Variants in DMD observed in about 807,000 individuals in gnomAD.
The protein encoded by DMD is dystrophin.
In DMD, 63 loss-of-function variants were observed where a neutral mutation model predicts 330.1. That is an observed-to-expected ratio of 0.19 (90% confidence interval 0.16 to 0.24). The LOEUF is 0.24. Ranked by LOEUF, DMD falls within the 10% of genes least tolerant of loss-of-function variation. The probability of loss-of-function intolerance (pLI) is 1.00; values close to 1 mark genes in which losing one functional copy is unlikely to be tolerated. For missense variants in DMD, 3,344 were observed against 2,684.1 expected, an observed-to-expected ratio of 1.25 and a Z score of -5.43; for synonymous variants, 1,223 against 959.8, an observed-to-expected ratio of 1.27 and a Z score of -5.07.
At chrX:31,560,210 G>A (rs754616462) in intron 55 of DMD, among the ~76,000 whole-genome samples, 1 of 111,790 alleles carries the variant, frequency 8.9e-6, no homozygotes, top group South Asian at 3.8e-4. Flanking sequence ...TTCTTACAAT[G>A]CAGATTCTGA....
chrX:32,918,719 A>G (rs1289133207), intron 2 of DMD, among the ~76,000 whole-genome samples: 2 of 112,632 alleles, frequency 1.8e-5, no homozygotes, highest in Admixed American at 1.9e-4. Context: ...AATAATTTAC[A>G]TGAGAACTCT....
intron 16 of DMD, among the ~76,000 whole-genome samples, chrX:32,548,157 T>C (rs1320451784): frequency 1.8e-5 from 2 of 111,441 alleles, no homozygotes; most frequent in South Asian, 3.7e-4. Flanking sequence ...AATTCTAATG[T>C]TTATTGAATA....
At chrX:31,994,425 T>A (rs1373659234) in intron 44 of DMD, among the ~76,000 whole-genome samples, 1 of 111,977 alleles carries the variant, frequency 8.9e-6, no homozygotes, top group Non-Finnish European at 1.9e-5. Flanking sequence ...CCCCGCTAAA[T>A]ATTTTACTTC....
intron 7 of DMD, among the ~76,000 whole-genome samples, chrX:32,727,406 TA>T (rs1361609560): frequency 9.0e-6 from 1 of 111,095 alleles, no homozygotes; most frequent in African/African-American, 3.3e-5. Flanking sequence ...AGCAGAACTC[TA>T]AATTCTGATT....
chrX:33,145,022 A>G (rs1387540990), intron 1 of DMD, among the ~76,000 whole-genome samples: 2 of 112,161 alleles, frequency 1.8e-5, no homozygotes, highest in Non-Finnish European at 3.8e-5. Flanking sequence ...AGACCTGTAT[A>G]GAATAGCTAT....
At chrX:32,018,318 T>C (rs769237454) in intron 44 of DMD, among the ~76,000 whole-genome samples, 225 of 111,744 alleles carry the variant, frequency 2.0e-3, no homozygotes, top group African/African-American at 7.1e-3. Context: ...CACTGTAAAT[T>C]TGTATTAATC....
chrX:32,152,517 T>A (rs146511070), intron 44 of DMD, among the ~76,000 whole-genome samples: 2 of 111,150 alleles, frequency 1.8e-5, no homozygotes, highest in African/African-American at 6.5e-5. Flanking sequence ...TATATTTGTC[T>A]CTTCACTTAT....
At chrX:31,268,541 A>G (rs1227346354) in intron 62 of DMD, among the ~76,000 whole-genome samples, 1 of 111,386 alleles carries the variant, frequency 9.0e-6, no homozygotes, top group Non-Finnish European at 1.9e-5. Flanking sequence ...TTACGGTCTG[A>G]GGGGGGCACA....
intron 1 of DMD, among the ~76,000 whole-genome samples, chrX:33,322,511 T>C (rs1395327851): frequency 9.0e-6 from 1 of 111,654 alleles, no homozygotes. Context: ...CAAAGATCAT[T>C]GATCATAGAT....
At chrX:31,150,160 TGTTA>T (rs1423245090) in intron 74 of DMD, among the ~76,000 whole-genome samples, 2 of 111,879 alleles carry the variant, frequency 1.8e-5, no homozygotes, top group African/African-American at 6.5e-5. Flanking sequence ...ATTATGGATT[TGTTA>T]GTTTCTCCTT....
chrX:32,676,225 T>G (rs1185133599), intron 9 of DMD, among the ~76,000 whole-genome samples: 15 of 111,243 alleles, frequency 1.3e-4, no homozygotes, highest in African/African-American at 4.9e-4. Flanking sequence ...CATAACACAT[T>G]CTTCAGTTGA....
At chrX:33,172,942 T>G (rs950082260) in intron 1 of DMD, among the ~76,000 whole-genome samples, 1 of 111,372 alleles carries the variant, frequency 9.0e-6, no homozygotes, top group African/African-American at 3.3e-5. Context: ...TATAAAAATT[T>G]AATTTACTTA....
chrX:32,912,998 A>G (rs2087430198), intron 2 of DMD, among the ~76,000 whole-genome samples: 1 of 112,264 alleles, frequency 8.9e-6, no homozygotes, highest in Non-Finnish European at 1.9e-5. Flanking sequence ...AAAAGAAATT[A>G]AGTTTATTTT....
At chrX:31,837,183 T>C (rs1200259384) in intron 48 of DMD, among the ~76,000 whole-genome samples, 1 of 112,419 alleles carries the variant, frequency 8.9e-6, no homozygotes, top group Non-Finnish European at 1.9e-5. Context: ...CATTTTACTT[T>C]ATACACTTAT....
chrX:33,155,203 G>A (rs2048447386), intron 1 of DMD, among the ~76,000 whole-genome samples: 1 of 111,360 alleles, frequency 9.0e-6, no homozygotes, highest in African/African-American at 3.3e-5. Flanking sequence ...GATTTGGGAG[G>A]GAAAAATTCT....
At chrX:31,158,232 G>C (rs1009239084) in intron 74 of DMD, among the ~76,000 whole-genome samples, 3 of 111,895 alleles carry the variant, frequency 2.7e-5, no homozygotes, top group African/African-American at 9.7e-5. Context: ...AAAAAATGTG[G>C]TATATCCATA....
At chrX:31,784,772 C>T (rs2091208063) in intron 50 of DMD, among the ~76,000 whole-genome samples, 1 of 111,531 alleles carries the variant, frequency 9.0e-6, no homozygotes. Context: ...GATGATTTTG[C>T]CCAGATGTAC....
At chrX:31,767,018 A>G (rs745860646) in intron 51 of DMD, among the ~76,000 whole-genome samples, 2 of 110,910 alleles carry the variant, frequency 1.8e-5, no homozygotes, top group South Asian at 3.8e-4. Context: ...GTTGAAGATA[A>G]TAGTGGATTT....
chrX:33,012,252 T>A (rs1172694009), intron 2 of DMD, among the ~76,000 whole-genome samples: 1 of 111,686 alleles, frequency 9.0e-6, no homozygotes, highest in African/African-American at 3.2e-5. Flanking sequence ...TCTCAGTAGA[T>A]TAAACCATTT....
Sources: gnomAD v4.1 joint callset for allele counts (sites outside exome capture counted in the v4.1 genomes callset) on GRCh38, gnomAD v4.1.1 for gene constraint, MANE v1.5 for transcripts, NCBI Gene and HGNC (gene_info 2026-07-23, HGNC 2026-07-21) for gene names.